COL11A1: variants seen among roughly 807,000 people sequenced by gnomAD.
COL11A1 encodes the protein collagen alpha-1(XI) chain.
In COL11A1, 74 loss-of-function variants were observed where a neutral mutation model predicts 265.2. That is an observed-to-expected ratio of 0.28 (90% confidence interval 0.23 to 0.34). The LOEUF (loss-of-function observed/expected upper bound fraction) is 0.34. Ranked by LOEUF, COL11A1 falls within the 10% of genes least tolerant of loss-of-function variation. The pLI, the probability that COL11A1 is intolerant of heterozygous loss-of-function variation, is 1.00. For missense variants in COL11A1, 2,165 were observed against 2,263.6 expected (o/e 0.96, Z 0.88); for synonymous variants, 816 against 727.6 (o/e 1.12, Z -1.96).
At chr1:102,985,029 A>C (rs960402814) in intron 30 of COL11A1, among the ~76,000 whole-genome samples, 3 of 152,040 alleles carry the variant, frequency 2.0e-5, no homozygotes, top group African/African-American at 7.2e-5. Context: ...TTAAAAAAAA[A>C]CACAGGTAAA....
chr1:103,066,846 A>G (rs1671192986), intron 4 of COL11A1, among the ~76,000 whole-genome samples: 1 of 151,988 alleles, frequency 6.6e-6, no homozygotes, highest in Non-Finnish European at 1.5e-5. Flanking sequence ...ACATAAAAAT[A>G]TATATAGCAT....
chr1:102,899,607 T>C (rs936822263), intron 54 of COL11A1, among the ~76,000 whole-genome samples: 5 of 152,148 alleles, frequency 3.3e-5, no homozygotes, highest in African/African-American at 1.2e-4. Flanking sequence ...AATTACACTT[T>C]AGATGCCATC....
At chr1:103,079,325 A>C (rs1300074549) in intron 2 of COL11A1, among the ~76,000 whole-genome samples, 1 of 152,124 alleles carries the variant, frequency 6.6e-6, no homozygotes, top group African/African-American at 2.4e-5. Flanking sequence ...TTAAAAGCTT[A>C]AGAGTTTTCG....
chr1:102,999,075 A>G (rs1381428888), intron 24 of COL11A1, among the ~76,000 whole-genome samples: 1 of 151,920 alleles, frequency 6.6e-6, no homozygotes, highest in Non-Finnish European at 1.5e-5. Flanking sequence ...TATTAAATTT[A>G]TCAAGTTCCC....
At chr1:103,096,995 T>C (rs980046355) in intron 1 of COL11A1, among the ~76,000 whole-genome samples, 2 of 152,020 alleles carry the variant, frequency 1.3e-5, no homozygotes, top group African/African-American at 2.4e-5. Context: ...CATAGCTCCA[T>C]ATAAAGTGTG....
chr1:102,909,147 T>C (rs1654349208), intron 54 of COL11A1, among the ~76,000 whole-genome samples: 1 of 152,156 alleles, frequency 6.6e-6, no homozygotes, highest in Non-Finnish European at 1.5e-5. Flanking sequence ...TTCTTATGAA[T>C]AGATTAATAC....
intron 4 of COL11A1, among the ~76,000 whole-genome samples, chr1:103,045,570 A>G (rs1487222814): frequency 6.6e-6 from 1 of 152,136 alleles, no homozygotes; most frequent in Non-Finnish European, 1.5e-5. Flanking sequence ...AAGGTCTTAA[A>G]AAACTTACTT....
At chr1:102,896,538 C>T (rs1424578122) in intron 57 of COL11A1, among the ~76,000 whole-genome samples, 1 of 152,146 alleles carries the variant, frequency 6.6e-6, no homozygotes, top group Non-Finnish European at 1.5e-5. Flanking sequence ...ATTATATTCA[C>T]ATCGTAAGTA....
At chr1:102,935,520 T>C (rs1014593330) in intron 44 of COL11A1, among the ~76,000 whole-genome samples, 3 of 152,186 alleles carry the variant, frequency 2.0e-5, no homozygotes, top group African/African-American at 7.2e-5. Flanking sequence ...ATATCAGAAT[T>C]CTGAGGGTTC....
intron 20 of COL11A1, 59 bp from the exon 21 acceptor site, chr1:103,003,327 C>A: frequency 6.7e-7 from 1 of 1,490,368 alleles, no homozygotes; most frequent in South Asian, 1.2e-5. Flanking sequence ...TAATAACATG[C>A]CTCTTTCAAT....
intron 1 of COL11A1, 75 bp from the exon 2 acceptor site, chr1:103,083,047 G>A (rs1316109351): frequency 5.8e-6 from 8 of 1,384,380 alleles, no homozygotes; most frequent in Non-Finnish European, 8.1e-6. Flanking sequence ...TTTAACACAG[G>A]ATAGTATGTC....
chr1:102,907,846 T>A (rs915229958), intron 54 of COL11A1, among the ~76,000 whole-genome samples: 12 of 152,180 alleles, frequency 7.9e-5, no homozygotes, highest in Admixed American at 3.3e-4. Context: ...CAGTTATTAT[T>A]AACAAGGATA....
chr1:102,946,759 GT>G, intron 42 of COL11A1, 89 bp downstream of exon 42: 2 of 978,422 alleles, frequency 2.0e-6, no homozygotes, highest in Non-Finnish European at 3.2e-6. Flanking sequence ...AGAGAATACG[GT>G]GGTGTATGAA....
intron 4 of COL11A1, among the ~76,000 whole-genome samples, chr1:103,067,402 A>G (rs953167493): frequency 3.3e-5 from 5 of 151,862 alleles, no homozygotes; most frequent in Non-Finnish European, 7.4e-5. Flanking sequence ...TGGAAATAAA[A>G]TAAAAAAAGA....
At chr1:102,919,244 G>C (rs1655694188) in intron 49 of COL11A1, among the ~76,000 whole-genome samples, 1 of 151,964 alleles carries the variant, frequency 6.6e-6, no homozygotes, top group South Asian at 2.1e-4. Flanking sequence ...AATGCAGTAA[G>C]ATTTATCTAA....
chr1:102,928,685 G>C (rs1416096694), intron 46 of COL11A1, among the ~76,000 whole-genome samples: 1 of 148,148 alleles, frequency 6.8e-6, no homozygotes, highest in African/African-American at 2.5e-5. Flanking sequence ...CTTCGACAAT[G>C]GTTGAACTAG....
chr1:102,985,185 T>G (rs1243727789), intron 30 of COL11A1, among the ~76,000 whole-genome samples: 1 of 152,108 alleles, frequency 6.6e-6, no homozygotes, highest in Non-Finnish European at 1.5e-5. Context: ...TGTATCATTA[T>G]TTTCAATGTA....
chr1:102,912,040 G>A (rs1654746176), intron 54 of COL11A1, 119 bp downstream of exon 54: 2 of 839,934 alleles, frequency 2.4e-6, no homozygotes, highest in South Asian at 3.5e-5. Context: ...TTGTTTTTAG[G>A]ATTTATGATA....
intron 15 of COL11A1, among the ~76,000 whole-genome samples, chr1:103,007,246 C>T (rs1343134161): frequency 6.6e-6 from 1 of 152,150 alleles, no homozygotes; most frequent in African/African-American, 2.4e-5. Context: ...TGGCACCATA[C>T]TATGTCAGAT....
Sources: gnomAD v4.1 joint callset for allele counts (sites outside exome capture counted in the v4.1 genomes callset) on GRCh38, gnomAD v4.1.1 for gene constraint, MANE v1.5 for transcripts, NCBI Gene and HGNC (gene_info 2026-07-23, HGNC 2026-07-21) for gene names.